Variants in NALF1 observed in about 807,000 individuals in gnomAD.
NALF1 encodes the protein NALCN channel auxiliary factor 1, also known as family with sequence similarity 155 member A.
A neutral mutation model predicts 48.4 loss-of-function variants in NALF1; 3 were observed. That is an observed-to-expected ratio of 0.06 (90% CI 0.03 to 0.16). The LOEUF (loss-of-function observed/expected upper bound fraction) is 0.16. NALF1 is among the 10% of genes least tolerant of loss of function. The pLI is 1.00. For missense variants in NALF1, 526 were observed against 571.5 expected (o/e 0.92, Z 0.81); for synonymous variants, 262 against 245.7 (o/e 1.07, Z -0.62).
At chr13:107,811,806 A>G (rs894751813) in intron 1 of NALF1, among the ~76,000 whole-genome samples, 1 of 152,158 alleles carries the variant, frequency 6.6e-6, no homozygotes, top group Non-Finnish European at 1.5e-5. Context: ...TGATAATGAC[A>G]TTAATCCCTT....
intron 1 of NALF1, among the ~76,000 whole-genome samples, chr13:107,377,973 C>T (rs1011366083): frequency 6.6e-6 from 1 of 150,588 alleles, no homozygotes; most frequent in Non-Finnish European, 1.5e-5. Context: ...CTTTGTTTTC[C>T]TCCCAGTTCT....
At chr13:107,449,486 T>G (rs1311914392) in intron 1 of NALF1, among the ~76,000 whole-genome samples, 7 of 152,126 alleles carry the variant, frequency 4.6e-5, no homozygotes, top group Admixed American at 4.6e-4. Context: ...TTAAAAAGAA[T>G]AAAAGTGAGG....
In NALF1 at chr13:107,325,855, C is replaced by CATATATATAT. The variant is rs1228535140; in HGVS notation, c.916-115110_916-115101dup. 6.2e-3 allele frequency among the ~76,000 whole-genome samples: 334 copies of CATATATATAT among 53,916 alleles called. 1 individual carries two copies. Among genetic ancestry groups the CATATATATAT allele is most frequent in the Middle Eastern group, 0.014 (1 of 72 alleles). 35.4% of individuals were successfully genotyped at this position (53,916 alleles called of 152,430 possible). A position where few individuals can be genotyped will look rare whatever the true frequency, so the allele number is the denominator to read the frequency against. Reference sequence around the variant, plus strand: ...AACTGTGTCTCAACACACACACACACATATATATATATATATATATATATA... The same window carrying CATATATATAT: ...AACTGTGTCTCAACACACACACACACATATATATATATATATATATATATATATATATATA... On this transcript the variant is annotated intron_variant, in intron 1 of 2. Transcript: ENST00000375915.
chr13:107,196,128 A>G (rs1411084548), intron 2 of NALF1, among the ~76,000 whole-genome samples: 1 of 152,166 alleles, frequency 6.6e-6, no homozygotes, highest in African/African-American at 2.4e-5. Context: ...GAGGGGAACA[A>G]CACACATTGA....
At chr13:107,845,141 T>G (rs58982099) in intron 1 of NALF1, among the ~76,000 whole-genome samples, 4,601 of 152,264 alleles carry the variant, frequency 0.03, 271 homozygotes, top group African/African-American at 0.11. Context: ...CAAAGAAAAT[T>G]CCAGAAAGAT....
intron 1 of NALF1, among the ~76,000 whole-genome samples, chr13:107,283,798 T>C (rs1881436703): frequency 6.6e-6 from 1 of 151,848 alleles, no homozygotes; most frequent in Non-Finnish European, 1.5e-5. Flanking sequence ...TAGCTCGGAC[T>C]ACAGGCGCCC....
At chr13:107,834,834 C>T (rs573877877) in intron 1 of NALF1, among the ~76,000 whole-genome samples, 1 of 152,268 alleles carries the variant, frequency 6.6e-6, no homozygotes, top group East Asian at 1.9e-4. Context: ...ACGATAATTT[C>T]CTGTGTAACA....
intron 2 of NALF1, among the ~76,000 whole-genome samples, chr13:107,203,590 TCAG>T (rs201705186): frequency 0.012 from 1,660 of 143,660 alleles, 34 homozygotes; most frequent in African/African-American, 0.039. Flanking sequence ...AGGACAGCCA[TCAG>T]GTGCTGTGCT....
chr13:107,862,053 T>C (rs776547504), intron 1 of NALF1, among the ~76,000 whole-genome samples: 1 of 152,190 alleles, frequency 6.6e-6, no homozygotes, highest in African/African-American at 2.4e-5. Context: ...CATACATTCT[T>C]GAGAGAACAA....
At chr13:107,673,755 T>C (rs1566438781) in intron 1 of NALF1, among the ~76,000 whole-genome samples, 1 of 152,086 alleles carries the variant, frequency 6.6e-6, no homozygotes, top group Non-Finnish European at 1.5e-5. Flanking sequence ...TCACTATACA[T>C]TGCATGTATC....
chr13:107,318,634 G>A (rs921251162), intron 1 of NALF1, among the ~76,000 whole-genome samples: 1 of 151,964 alleles, frequency 6.6e-6, no homozygotes, highest in African/African-American at 2.4e-5. Flanking sequence ...TCTTGATAGC[G>A]CAACTTGGAA....
chr13:107,528,709 A>T (rs1036967896), intron 1 of NALF1, among the ~76,000 whole-genome samples: 1 of 152,148 alleles, frequency 6.6e-6, no homozygotes, highest in Non-Finnish European at 1.5e-5. Context: ...AGGACAGTGG[A>T]TGAGACAGCC....
At chr13:107,546,066 G>A (rs1238415787) in intron 1 of NALF1, among the ~76,000 whole-genome samples, 1 of 152,022 alleles carries the variant, frequency 6.6e-6, no homozygotes. Flanking sequence ...CAGGGTCCTC[G>A]GCAGATCACC....
At chr13:107,266,890 G>C (rs966885955) in intron 1 of NALF1, among the ~76,000 whole-genome samples, 3 of 152,154 alleles carry the variant, frequency 2.0e-5, no homozygotes, top group Non-Finnish European at 4.4e-5. Context: ...TGGGCTGTCT[G>C]GCAATGCCTT....
chr13:107,480,462 C>G (rs1885237958), intron 1 of NALF1, among the ~76,000 whole-genome samples: 1 of 152,136 alleles, frequency 6.6e-6, no homozygotes, highest in South Asian at 2.1e-4. Context: ...TGCTACATGT[C>G]TTGGATGTTT....
At chr13:107,678,948 G>C (rs1881204316) in intron 1 of NALF1, among the ~76,000 whole-genome samples, 1 of 152,118 alleles carries the variant, frequency 6.6e-6, no homozygotes. Flanking sequence ...ACCATATCAG[G>C]GGCTTCAGGA....
At chr13:107,231,761 G>T (rs1880231642) in intron 1 of NALF1, among the ~76,000 whole-genome samples, 1 of 152,168 alleles carries the variant, frequency 6.6e-6, no homozygotes, top group Non-Finnish European at 1.5e-5. Context: ...AGCAACCCTG[G>T]CAGGGCCACA....
At chr13:107,225,216 C>A (rs535401194) in intron 1 of NALF1, among the ~76,000 whole-genome samples, 1 of 152,270 alleles carries the variant, frequency 6.6e-6, no homozygotes, top group East Asian at 1.9e-4. Context: ...ACCATGTTGG[C>A]CAGGCTGGTC....
intron 1 of NALF1, among the ~76,000 whole-genome samples, chr13:107,220,426 T>C (rs1172506001): frequency 6.6e-6 from 1 of 152,168 alleles, no homozygotes; most frequent in Non-Finnish European, 1.5e-5. Flanking sequence ...AGTGATTCTA[T>C]TAGAATTTAC....
Sources: gnomAD v4.1 joint callset for allele counts (sites outside exome capture counted in the v4.1 genomes callset) on GRCh38, gnomAD v4.1.1 for gene constraint, MANE v1.5 for transcripts, NCBI Gene and HGNC (gene_info 2026-07-23, HGNC 2026-07-21) for gene names.